The following RIC1 variants were observed in gnomAD, a reference collection of about 807,000 sequenced individuals.
The protein encoded by RIC1 is RIC1 partner of RAB6A GEF complex.
Under a neutral mutation model 169.0 loss-of-function variants are expected in RIC1, and 88 were observed. The observed-to-expected ratio is 0.52, with a 90% CI of 0.44 to 0.62. The LOEUF is 0.62. Ranked by LOEUF, RIC1 falls within the 20% of genes least tolerant of loss-of-function variation. RIC1 has a pLI of 0.00. For synonymous variants in RIC1, 790 were observed against 601.5 expected (o/e 1.31, Z -4.59); for missense variants, 1,877 against 1,725.5 (o/e 1.09, Z -1.56).
At chr9:5,769,428 T>C (rs564506005) in intron 22 of RIC1, 172 bp downstream of exon 22, 1 of 1,531,934 alleles carries the variant, frequency 6.5e-7, no homozygotes, top group East Asian at 2.4e-5. Context: ...ACCAAAGATG[T>C]AAATAAAGTA....
intron 2 of RIC1, among the ~76,000 whole-genome samples, chr9:5,678,125 G>A (rs1430637009): frequency 6.6e-6 from 1 of 151,454 alleles, no homozygotes; most frequent in Non-Finnish European, 1.5e-5. Flanking sequence ...GGGATAGTTT[G>A]CTGAGAATGA....
intron 2 of RIC1, among the ~76,000 whole-genome samples, chr9:5,677,010 A>G (rs1007744363): frequency 6.6e-6 from 1 of 152,228 alleles, no homozygotes; most frequent in Admixed American, 6.5e-5. Flanking sequence ...CTTTGTATGG[A>G]TGCGTATTTC....
chr9:5,652,072 T>G (rs892504933), intron 1 of RIC1, among the ~76,000 whole-genome samples: 1 of 152,188 alleles, frequency 6.6e-6, no homozygotes, highest in Non-Finnish European at 1.5e-5. Flanking sequence ...ATTGTTTTAT[T>G]TGCTTTTATT....
chr9:5,752,686 T>G (rs1244385160), intron 12 of RIC1, among the ~76,000 whole-genome samples: 1 of 152,208 alleles, frequency 6.6e-6, no homozygotes, highest in African/African-American at 2.4e-5. Flanking sequence ...TCCACCTGCC[T>G]CGGCCTCCCA....
At chr9:5,755,868 A>T (rs1236002336) in intron 15 of RIC1, among the ~76,000 whole-genome samples, 1 of 152,112 alleles carries the variant, frequency 6.6e-6, no homozygotes, top group African/African-American at 2.4e-5. Flanking sequence ...GGGTGCAGTG[A>T]GCCGAGATCA....
intron 2 of RIC1, among the ~76,000 whole-genome samples, chr9:5,675,111 A>T (rs1211973541): frequency 6.6e-6 from 1 of 152,224 alleles, no homozygotes; most frequent in Non-Finnish European, 1.5e-5. Flanking sequence ...TCCCTGACGC[A>T]CGTGGCCCCT....
chr9:5,707,748 C>A (rs1586987837), intron 3 of RIC1, among the ~76,000 whole-genome samples: 1 of 152,196 alleles, frequency 6.6e-6, no homozygotes, highest in African/African-American at 2.4e-5. Context: ...CTTCCACCTT[C>A]AACTTGTTTC....
intron 3 of RIC1, among the ~76,000 whole-genome samples, chr9:5,709,239 G>A (rs1456915575): frequency 6.6e-6 from 1 of 152,134 alleles, no homozygotes; most frequent in Non-Finnish European, 1.5e-5. Flanking sequence ...TCTGCCGTCT[G>A]TCCAGATACG....
intron 3 of RIC1, among the ~76,000 whole-genome samples, chr9:5,698,431 C>T (rs758542283): frequency 6.6e-6 from 1 of 152,022 alleles, no homozygotes; most frequent in South Asian, 2.1e-4. Context: ...CCTTTAAGGG[C>T]CACTCATTAA....
chr9:5,701,446 C>T (rs1157783495), intron 3 of RIC1, among the ~76,000 whole-genome samples: 1 of 151,978 alleles, frequency 6.6e-6, no homozygotes, highest in African/African-American at 2.4e-5. Context: ...ACCCCCGTCT[C>T]TACTAACAAT....
At position 5,772,694 on chromosome 9, in the gene RIC1, C is replaced by T. The variant is rs749460978; in HGVS notation, c.3747C>T (p.Ser1249=). ...CTCAGTCAGAGCTGGAGCACATTTC[C>T]ATGGAGTTGGCCAGTAAAGGGCCTC... ...SLTQSELEHI[S]MELASKGPHK... is the part of the protein sequence containing the mutation. The change falls in exon 24 of 26, where the codon TCC becomes TCT. Residue 1249 remains serine (S), a synonymous_variant. Transcript: ENST00000414202. 8 of 1,613,284 alleles carry T rather than the reference C, an allele frequency of 5.0e-6. No individual in the cohort carries two copies. Among genetic ancestry groups the T allele is most frequent in the East Asian group, 2.2e-5 (1 of 44,828 alleles).
chr9:5,669,498 G>GTA (rs768931825), intron 2 of RIC1, among the ~76,000 whole-genome samples: 9 of 152,236 alleles, frequency 5.9e-5, no homozygotes, highest in East Asian at 1.9e-4. Flanking sequence ...ATTCGATGGT[G>GTA]TATATATATA....
At chr9:5,717,310 G>T (rs899756241) in intron 4 of RIC1, among the ~76,000 whole-genome samples, 1 of 152,116 alleles carries the variant, frequency 6.6e-6, no homozygotes, top group Non-Finnish European at 1.5e-5. Flanking sequence ...GTTGTATACA[G>T]TGATTTTCTA....
At chr9:5,655,818 G>C (rs1469576426) in intron 1 of RIC1, among the ~76,000 whole-genome samples, 1 of 151,898 alleles carries the variant, frequency 6.6e-6, no homozygotes, top group Non-Finnish European at 1.5e-5. Context: ...CTAATATTTT[G>C]TTGAGAGGTT....
chr9:5,658,475 T>G (rs1351147060), intron 2 of RIC1, among the ~76,000 whole-genome samples: 1 of 152,084 alleles, frequency 6.6e-6, no homozygotes, highest in Non-Finnish European at 1.5e-5. Context: ...TACTGCTCAG[T>G]TGTAAATTTC....
At chr9:5,772,321 T>C (rs1031917231) in intron 23 of RIC1, among the ~76,000 whole-genome samples, 1 of 152,150 alleles carries the variant, frequency 6.6e-6, no homozygotes, top group South Asian at 2.1e-4. Flanking sequence ...ATTGAGGGAG[T>C]TGGGGAAGAC....
chr9:5,759,082 A>G (rs1826183624), intron 17 of RIC1, among the ~76,000 whole-genome samples: 1 of 152,146 alleles, frequency 6.6e-6, no homozygotes, highest in Non-Finnish European at 1.5e-5. Context: ...TTTCTCCTTT[A>G]AAATATAGTT....
chr9:5,739,735 C>T (rs117303310), intron 8 of RIC1, among the ~76,000 whole-genome samples: 4,703 of 152,136 alleles, frequency 0.031, 107 homozygotes, highest in Middle Eastern at 0.099. Flanking sequence ...GGGATGTTGC[C>T]ACTATTGGGG....
intron 3 of RIC1, among the ~76,000 whole-genome samples, chr9:5,697,493 C>G (rs1441338466): frequency 1.3e-5 from 2 of 152,178 alleles, no homozygotes; most frequent in Non-Finnish European, 2.9e-5. Flanking sequence ...GTCCATCAGT[C>G]AGTTTGAACA....
Sources: gnomAD v4.1 joint callset for allele counts (sites outside exome capture counted in the v4.1 genomes callset) on GRCh38, gnomAD v4.1.1 for gene constraint, MANE v1.5 for transcripts, NCBI Gene and HGNC (gene_info 2026-07-23, HGNC 2026-07-21) for gene names.